The following HTRA3 variants were observed in gnomAD, a reference collection of about 807,000 sequenced individuals.
The protein encoded by HTRA3 is HtrA serine peptidase 3.
Under a neutral mutation model 43.2 loss-of-function variants are expected in HTRA3, and 41 were observed. The ratio of observed to expected loss-of-function variants is 0.95; its 90% CI spans 0.74 to 1.23. HTRA3 has a LOEUF of 1.23. Ranked by LOEUF, HTRA3 falls within the 50% of genes most tolerant of loss-of-function variation. The probability of loss-of-function intolerance (pLI) is 0.00; values close to 1 mark genes in which losing one functional copy is unlikely to be tolerated. For missense variants in HTRA3, 628 were observed against 647.1 expected, an observed-to-expected ratio of 0.97 and a Z score of 0.32; for synonymous variants, 295 against 287.9, an observed-to-expected ratio of 1.02 and a Z score of -0.25.
At position 8,286,928 on chromosome 4, in the gene HTRA3, C is replaced by G. The variant is rs2153005367; in HGVS notation, c.708+145C>G. The G allele has an allele frequency of 1.5e-6, 1 of 650,072 alleles. No homozygotes were observed. The highest frequency in any genetic ancestry group is 1.9e-5 in the South Asian group (1 of 52,114). The allele number at this position is 650,072 out of a possible 1,614,324, so 40.3% of individuals were successfully genotyped here. ...GGGCCCAGGGAGGACTGGCAGCTGG[C>G]CCAGGGTCACGGCTTGGAAAAGACC... On this transcript the variant is annotated intron_variant, in intron 3 of 8. Transcript: ENST00000307358. The surrounding 1 kb of genome is among the most constrained non-coding windows in gnomAD (Gnocchi z 4.9).
chr4:8,298,757 T>C (rs539664946), intron 6 of HTRA3, among the ~76,000 whole-genome samples: 76 of 152,350 alleles, frequency 5.0e-4, no homozygotes, highest in African/African-American at 1.7e-3. Flanking sequence ...GCACCATTTG[T>C]TGAAAGACTG....
At chr4:8,300,632 G>A (rs1713602247) in intron 6 of HTRA3, among the ~76,000 whole-genome samples, 1 of 152,100 alleles carries the variant, frequency 6.6e-6, no homozygotes, top group Non-Finnish European at 1.5e-5. Context: ...GATCGATCTT[G>A]CTAAAGATTT....
chr4:8,278,314 G>T (rs1411120959), intron 1 of HTRA3, among the ~76,000 whole-genome samples: 1 of 151,490 alleles, frequency 6.6e-6, no homozygotes, highest in Non-Finnish European at 1.5e-5. Flanking sequence ...ACCTAGCCTC[G>T]GGCCTTGATT....
intron 6 of HTRA3, among the ~76,000 whole-genome samples, chr4:8,298,629 G>A (rs1360918740): frequency 6.6e-6 from 1 of 151,932 alleles, no homozygotes; most frequent in African/African-American, 2.4e-5. Context: ...TTTACTTTTT[G>A]AGGTTTCAGA....
chr4:8,305,587 A>T (rs1253225649), intron 8 of HTRA3, among the ~76,000 whole-genome samples: 4 of 152,202 alleles, frequency 2.6e-5, no homozygotes, highest in Admixed American at 1.3e-4. Context: ...CCTCCCACAT[A>T]GACGTCTTCG....
At position 8,297,376 on chromosome 4, in the gene HTRA3, G is replaced by A. The variant is rs1230393567; in HGVS notation, c.1051+3175G>A. 6.6e-6 allele frequency among the ~76,000 whole-genome samples: 1 copy of A among 152,180 alleles called. No homozygotes were observed. The highest frequency in any genetic ancestry group is 2.4e-5 in the African/African-American group (1 of 41,440). ...CTCTGCTTTCCCGCCCGCACAGTGGGTCTAAGTCAGAGGGGACCACAGTCA... is the reference window on the plus strand; with the variant it reads ...CTCTGCTTTCCCGCCCGCACAGTGGATCTAAGTCAGAGGGGACCACAGTCA... On this transcript the variant is annotated intron_variant, in intron 6 of 8. Coordinates refer to ENST00000307358, the MANE Select transcript of HTRA3 (RefSeq NM_053044.5). The surrounding 1 kb of genome is among the most constrained non-coding windows in gnomAD (Gnocchi z 5.8).
At chr4:8,278,391 A>G (rs535195919) in intron 1 of HTRA3, among the ~76,000 whole-genome samples, 44 of 61,888 alleles carry the variant, frequency 7.1e-4, no homozygotes, top group African/African-American at 1.7e-3. Flanking sequence ...TTTATTGAGG[A>G]AAAAAAAAAA....
chr4:8,270,323 C>A lies in HTRA3; in HGVS notation c.355C>A (p.Arg119Ser), dbSNP rs1301263420. 12 of 1,449,458 alleles carry A rather than the reference C, an allele frequency of 8.3e-6. No homozygotes were observed. The highest frequency in any genetic ancestry group is 1.1e-5 in the Non-Finnish European group (12 of 1,108,674). The allele number at this position is 1,449,458 out of a possible 1,614,324, so 89.8% of individuals were successfully genotyped here. ...GCTGCAGCTCTCCGGGACGCCCGTGCGCCAGCTGCAGAAGGGCGCCTGCCC... is the reference window on the plus strand; with the variant it reads ...GCTGCAGCTCTCCGGGACGCCCGTGAGCCAGCTGCAGAAGGGCGCCTGCCC... Reference protein sequence around the residue: ...RALQLSGTPVRQLQKGACPLG... With the variant: ...RALQLSGTPVSQLQKGACPLG... The change falls in exon 1 of 9, where the codon CGC becomes AGC. Residue 119 changes from arginine to serine, a missense_variant. Arg to Ser is a moderately radical substitution (Grantham distance 110). Coordinates refer to ENST00000307358, the MANE Select transcript of HTRA3 (RefSeq NM_053044.5).
chr4:8,299,427 C>A (rs973124305), intron 6 of HTRA3, among the ~76,000 whole-genome samples: 3 of 152,068 alleles, frequency 2.0e-5, no homozygotes, highest in African/African-American at 7.2e-5. Flanking sequence ...GCTATGCAGT[C>A]TGTGAATAAA....
intron 1 of HTRA3, among the ~76,000 whole-genome samples, chr4:8,276,729 C>A (rs1214374580): frequency 2.6e-5 from 4 of 152,216 alleles, no homozygotes; most frequent in Admixed American, 6.5e-5. Flanking sequence ...GCCAGAGGAG[C>A]CAGGCTGGCC....
chr4:8,270,075 G>T lies in HTRA3; in HGVS notation c.107G>T (p.Ser36Ile), dbSNP rs1560131268. 1 of 1,518,976 alleles carries T rather than the reference G, an allele frequency of 6.6e-7. No individual in the cohort carries two copies. The highest frequency in any genetic ancestry group is 1.2e-5 in the South Asian group (1 of 82,582). The allele number at this position is 1,518,976 out of a possible 1,614,324, so 94.1% of individuals were successfully genotyped here. ...CGCTGCGACGTGTCGCGGTGTCCCA[G>T]CCCCCGCTGCCCCGGCGGCTACGTG... ...PARCDVSRCP[S>I]PRCPGGYVPD... The change falls in exon 1 of 9, where the codon AGC becomes ATC. Residue 36 changes from serine (S) to isoleucine (I), a missense_variant. Physicochemically the swap from Ser to Ile is moderately radical, Grantham distance 142. Coordinates refer to ENST00000307358, the MANE Select transcript of HTRA3 (RefSeq NM_053044.5).
Position 8,291,222 on chromosome 4 carries a change from G to A in HTRA3, c.709-148G>A, listed in dbSNP as rs1713224122. 2.6e-5 allele frequency: 18 copies of A among 699,264 alleles called. No individual in the cohort carries two copies. The South Asian group carries it at 2.8e-4, about 11-fold the overall frequency. 43.3% of individuals were successfully genotyped at this position (699,264 alleles called of 1,614,324 possible). A position where few individuals can be genotyped will look rare whatever the true frequency, so the allele number is the denominator to read the frequency against. ...ACTGCCCTGGTCTTGGTCTGCACTG[G>A]TGACCTGCCTGAGCCTTCACAGTCC... On this transcript the variant is annotated intron_variant, in intron 3 of 8. Coordinates refer to ENST00000307358, the MANE Select transcript of HTRA3 (RefSeq NM_053044.5).
chr4:8,302,246 C>T lies in HTRA3; in HGVS notation c.1052-217C>T, dbSNP rs912740583. ...GGTGGACATGAAGCCACCTGTGGGG[C>T]GAGCCACACTAGAGCTAGAATACCC... On this transcript the variant is annotated intron_variant, in intron 6 of 8. Coordinates refer to ENST00000307358, the MANE Select transcript of HTRA3 (RefSeq NM_053044.5). Among the ~76,000 whole-genome samples, 135 of 151,496 alleles carry T rather than the reference C, an allele frequency of 8.9e-4. 1 individual carries two copies. The highest frequency in any genetic ancestry group is 3.1e-3 in the African/African-American group (130 of 41,462).
intron 1 of HTRA3, among the ~76,000 whole-genome samples, chr4:8,274,723 A>C (rs1402609883): frequency 1.3e-5 from 2 of 152,168 alleles, no homozygotes; most frequent in Non-Finnish European, 2.9e-5. Flanking sequence ...CTGTGTGGAG[A>C]AGGGTTTCCC....
intron 3 of HTRA3, among the ~76,000 whole-genome samples, chr4:8,288,295 T>G (rs528761816): frequency 4.9e-4 from 75 of 152,292 alleles, no homozygotes; most frequent in African/African-American, 1.7e-3. Flanking sequence ...TTTTTTGAAA[T>G]GGGGTTTTGC....
At chr4:8,270,413 G>C in intron 1 of HTRA3, 60 bp downstream of exon 1, 1 of 1,359,488 alleles carries the variant, frequency 7.4e-7, no homozygotes, top group Non-Finnish European at 9.4e-7. Flanking sequence ...AACTAAGGCC[G>C]GGAGTTAGGG....
At chr4:8,277,078 G>A (rs1266219710) in intron 1 of HTRA3, among the ~76,000 whole-genome samples, 4 of 152,184 alleles carry the variant, frequency 2.6e-5, no homozygotes, top group African/African-American at 9.7e-5. Flanking sequence ...CCCTCATCCC[G>A]CCTGCGTTCC....
chr4:8,293,472 C>G (rs1352517023), intron 5 of HTRA3, among the ~76,000 whole-genome samples: 1 of 152,116 alleles, frequency 6.6e-6, no homozygotes, highest in Non-Finnish European at 1.5e-5. Flanking sequence ...GGTGAGCTGG[C>G]CAGGCCCTGA....
At chr4:8,289,151 T>C (rs1219212918) in intron 3 of HTRA3, among the ~76,000 whole-genome samples, 2 of 151,912 alleles carry the variant, frequency 1.3e-5, no homozygotes, top group Non-Finnish European at 1.5e-5. Flanking sequence ...GGTCTCGCTG[T>C]ATTGCCCAGG....
Sources: gnomAD v4.1 joint callset for allele counts (sites outside exome capture counted in the v4.1 genomes callset) on GRCh38, gnomAD v4.1.1 for gene constraint, Gnocchi (gnomAD v3.1) non-coding constraint, MANE v1.5 for transcripts, NCBI Gene and HGNC (gene_info 2026-07-23, HGNC 2026-07-21) for gene names.